The following DAB1 variants were observed in gnomAD, a reference collection of about 807,000 sequenced individuals.
DAB1 encodes disabled homolog 1.
DAB1 carries 15 observed loss-of-function variants against 64.6 expected under a neutral mutation model. The observed-to-expected ratio is 0.23, with a 90% CI of 0.16 to 0.36. The LOEUF (loss-of-function observed/expected upper bound fraction) is 0.36, where lower values mean the gene tolerates loss of function less well. Among genes scored for constraint, DAB1 ranks in the 10% least tolerant of loss-of-function variants. DAB1 has a pLI of 1.00. For synonymous variants in DAB1, 235 were observed against 251.9 expected (o/e 0.93, Z 0.64); for missense variants, 596 against 706.7 (o/e 0.84, Z 1.78).
intron 5 of DAB1, among the ~76,000 whole-genome samples, chr1:58,055,313 G>C (rs1007205249): frequency 6.6e-6 from 1 of 152,108 alleles, no homozygotes; most frequent in Non-Finnish European, 1.5e-5. Flanking sequence ...TATAGCCTTT[G>C]TACTTGACCT....
Position 57,301,090 on chromosome 1 carries a change from T to C in DAB1, c.-136-9924A>G, listed in dbSNP as rs139550564. ...TCCAAAGAGGTCCTAGATAAATGAA[T>C]CTTCAAAAAAAAAAAGGTAAAAAGC... On this transcript the variant is annotated intron_variant, in intron 1 of 14. Coordinates refer to ENST00000371236, the MANE Select transcript of DAB1 (RefSeq NM_001365792.1). Among the ~76,000 whole-genome samples the C allele has an allele frequency of 1.1e-4, 16 of 151,124 alleles. No homozygotes were observed. The East Asian group carries it at 3.1e-3, about 29-fold the overall frequency.
chr1:58,010,865 C>G (rs1429894841), intron 5 of DAB1, among the ~76,000 whole-genome samples: 1 of 152,228 alleles, frequency 6.6e-6, no homozygotes, highest in African/African-American at 2.4e-5. Context: ...CTCAGCATGG[C>G]CTTCCAGGCA....
At chr1:56,999,985 G>A (rs925917588) in intron 14 of DAB1, among the ~76,000 whole-genome samples, 1 of 151,620 alleles carries the variant, frequency 6.6e-6, no homozygotes, top group East Asian at 1.9e-4. Context: ...GAAAAGTACG[G>A]AAGCCCATTC....
At chr1:57,990,223 C>A (rs777515955) in intron 5 of DAB1, among the ~76,000 whole-genome samples, 1 of 152,180 alleles carries the variant, frequency 6.6e-6, no homozygotes, top group Admixed American at 6.5e-5. Flanking sequence ...GCTGATGCAA[C>A]AGCAGAACTT....
At chr1:57,596,075 T>C (rs1180041390) in intron 7 of DAB1, among the ~76,000 whole-genome samples, 1 of 152,242 alleles carries the variant, frequency 6.6e-6, no homozygotes, top group Non-Finnish European at 1.5e-5. Context: ...CCACTTTCAC[T>C]GTCCTTTAAC....
intron 4 of DAB1, among the ~76,000 whole-genome samples, chr1:58,175,974 A>T (rs1171446033): frequency 2.0e-5 from 3 of 152,240 alleles, no homozygotes; most frequent in Non-Finnish European, 4.4e-5. Context: ...CTTCTTGTGA[A>T]ATGATGGAAG....
chr1:58,318,315 G>A (rs1662604029), intron 4 of DAB1, among the ~76,000 whole-genome samples: 1 of 152,186 alleles, frequency 6.6e-6, no homozygotes. Context: ...CTTTGCTGAG[G>A]CTGCATCCTG....
chr1:57,567,197 G>A (rs1278084588), intron 7 of DAB1, among the ~76,000 whole-genome samples: 1 of 152,126 alleles, frequency 6.6e-6, no homozygotes, highest in Non-Finnish European at 1.5e-5. Context: ...CTCAATAGAT[G>A]CAGAAAAGGC....
intron 6 of DAB1, among the ~76,000 whole-genome samples, chr1:57,699,737 AC>A (rs1176671546): frequency 6.6e-6 from 1 of 152,022 alleles, no homozygotes; most frequent in Non-Finnish European, 1.5e-5. Flanking sequence ...ATATGGTGAA[AC>A]CCTGTCTCTA....
chr1:57,539,852 T>C (rs1644779995), intron 7 of DAB1, among the ~76,000 whole-genome samples: 1 of 152,166 alleles, frequency 6.6e-6, no homozygotes, highest in Non-Finnish European at 1.5e-5. Context: ...ATTGACAAGG[T>C]AGTCCAGAGC....
chr1:57,642,327 G>A (rs1046240678), intron 7 of DAB1, among the ~76,000 whole-genome samples: 1 of 152,136 alleles, frequency 6.6e-6, no homozygotes, highest in Admixed American at 6.5e-5. Context: ...TTTATCCATT[G>A]GAAGCTGATT....
intron 5 of DAB1, among the ~76,000 whole-genome samples, chr1:57,897,301 A>C (rs1465760209): frequency 6.6e-6 from 1 of 152,216 alleles, no homozygotes; most frequent in African/African-American, 2.4e-5. Flanking sequence ...GAAAATGTTT[A>C]ATTATTTCTG....
chr1:57,868,679 G>A (rs1464268343), intron 1 of DAB1, among the ~76,000 whole-genome samples: 1 of 152,146 alleles, frequency 6.6e-6, no homozygotes, highest in Non-Finnish European at 1.5e-5. Context: ...CCTTGAGGAT[G>A]TGGACTCTGT....
rs553978932 is a variant in DAB1 at position 57,997,702 on chromosome 1, G to A, written n.388-113540C>T. Among the ~76,000 whole-genome samples, 6 of 152,196 alleles carry A rather than the reference G, an allele frequency of 3.9e-5. No homozygotes were observed. The East Asian group carries it at 9.7e-4, about 25-fold the overall frequency. ...GGGAGAATAGAAGTGGGGTCTGAGG[G>A]GAGAAGGAGAAATTTTTATGCAGTA... On this transcript the variant is annotated intron_variant and non_coding_transcript_variant, in intron 5 of 20. Transcript: ENST00000485760.
chr1:57,965,284 T>C (rs1645636298), intron 5 of DAB1, among the ~76,000 whole-genome samples: 1 of 152,186 alleles, frequency 6.6e-6, no homozygotes, highest in African/African-American at 2.4e-5. Context: ...TAAACTTTTC[T>C]TCAGAAAGGC....
chr1:57,220,170 A>G (rs1666746265), intron 2 of DAB1, among the ~76,000 whole-genome samples: 1 of 152,196 alleles, frequency 6.6e-6, no homozygotes, highest in African/African-American at 2.4e-5. Context: ...AGAATGTGAC[A>G]TGGTAGGCTT....
At chr1:57,446,651 A>C (rs1445719901) in intron 7 of DAB1, among the ~76,000 whole-genome samples, 1 of 152,028 alleles carries the variant, frequency 6.6e-6, no homozygotes, top group Non-Finnish European at 1.5e-5. Context: ...AGGAACCCAG[A>C]AGTTTGTTTA....
At chr1:58,245,802 A>G (rs1660502553) in intron 4 of DAB1, among the ~76,000 whole-genome samples, 1 of 152,210 alleles carries the variant, frequency 6.6e-6, no homozygotes, top group African/African-American at 2.4e-5. Flanking sequence ...TGTTCTACTT[A>G]TTTAAAAATA....
At chr1:58,056,626 A>C in intron 5 of DAB1, 1 of 647,770 alleles carries the variant, frequency 1.5e-6, no homozygotes, top group South Asian at 1.8e-5. Context: ...CTTCTGTCTG[A>C]TCCTCCAGAT....
Sources: allele counts gnomAD v4.1 joint callset (sites outside exome capture counted in the v4.1 genomes callset), GRCh38; gene constraint gnomAD v4.1.1; transcripts MANE v1.5; gene names NCBI Gene and HGNC (gene_info 2026-07-23, HGNC 2026-07-21).